DCP1B: variants seen among roughly 807,000 people sequenced by gnomAD.
The protein encoded by DCP1B is mRNA-decapping enzyme 1B.
DCP1B carries 47 observed loss-of-function variants against 60.5 expected under a neutral mutation model. That is an observed-to-expected ratio of 0.78 (90% confidence interval 0.61 to 0.99). The LOEUF is 0.99. DCP1B is among the 50% of genes least tolerant of loss of function. The pLI, the probability that DCP1B is intolerant of heterozygous loss-of-function variation, is 0.00. For synonymous variants in DCP1B, 267 were observed against 280.3 expected (o/e 0.95, Z 0.47); for missense variants, 725 against 756.8 (o/e 0.96, Z 0.49).
chr12:1,991,397 G>A (rs1054159141), intron 3 of DCP1B: 10 of 251,956 alleles, frequency 4.0e-5, no homozygotes, highest in East Asian at 1.0e-4. Flanking sequence ...GAAATATGAG[G>A]GGAACCACGA....
chr12:1,999,908 C>CA (rs1365059268), intron 1 of DCP1B, among the ~76,000 whole-genome samples: 70 of 152,232 alleles, frequency 4.6e-4, no homozygotes, highest in African/African-American at 1.6e-3. Context: ...TGCCCCTGTA[C>CA]TTTGAAAAAT....
intron 5 of DCP1B, among the ~76,000 whole-genome samples, chr12:1,963,378 G>C (rs1024322574): frequency 2.6e-5 from 4 of 152,158 alleles, no homozygotes; most frequent in African/African-American, 9.7e-5. Context: ...CATTGACCAG[G>C]GCTGTTTGAT....
chr12:1,947,461 G>A (rs2030476578), intron 8 of DCP1B, among the ~76,000 whole-genome samples: 1 of 152,218 alleles, frequency 6.6e-6, no homozygotes, highest in Non-Finnish European at 1.5e-5. Flanking sequence ...TTGAGTGACT[G>A]GGAATATGAG....
chr12:1,989,405 A>G (rs1431230060), intron 3 of DCP1B, among the ~76,000 whole-genome samples: 4 of 151,668 alleles, frequency 2.6e-5, no homozygotes, highest in African/African-American at 7.3e-5. Flanking sequence ...AGAGGAAAGA[A>G]AAGGGAAAGG....
chr12:1,949,116 C>G lies in DCP1B; in HGVS notation c.1743G>C (p.Gln581His). ...TGAGGTACAGCAGTGCCTCCTGGAG[C>G]TGGAGCTTGGTGAGTGGGCTGCTGG... ...VITSSPLTKLQLQEALLYLIQ... is the reference protein window; with the variant it reads ...VITSSPLTKLHLQEALLYLIQ... The change falls in exon 8 of 9, where the codon CAG (glutamine) becomes CAC (histidine). Residue 581 changes from glutamine (Q) to histidine (H), a missense_variant. Gln to His is a conservative substitution (Grantham distance 24, BLOSUM62 0). Coordinates refer to ENST00000280665, the MANE Select transcript of DCP1B (RefSeq NM_152640.5). 1 of 1,614,072 alleles carries G rather than the reference C, an allele frequency of 6.2e-7. No homozygotes were observed.
At position 1,949,246 on chromosome 12, in the gene DCP1B, G is replaced by C. The variant is rs1565759421; in HGVS notation, c.1613C>G (p.Pro538Arg). 1 of 1,614,032 alleles carries C rather than the reference G, an allele frequency of 6.2e-7. No individual in the cohort carries two copies. The highest frequency in any genetic ancestry group is 8.5e-7 in the Non-Finnish European group (1 of 1,180,040). ...MVFAQPTSVP[P>R]KERESGLLPV... ...CAAGAGGCCGCTCTCCCTTTCCTTT[G>C]GCGGGACGGAGGTGGGTTGTGCGAA... The change falls in exon 8 of 9, where the codon CCA becomes CGA. Residue 538 changes from proline to arginine, a missense_variant. Transcript: ENST00000280665.
At chr12:1,997,843 A>G in intron 2 of DCP1B, 92 bp downstream of exon 2, 4 of 1,050,926 alleles carry the variant, frequency 3.8e-6, no homozygotes, top group Non-Finnish European at 5.6e-6. Flanking sequence ...TCTTTTTGAA[A>G]TAAAACTGCA....
intron 3 of DCP1B, among the ~76,000 whole-genome samples, chr12:1,983,482 G>C (rs1346709668): frequency 6.6e-6 from 1 of 151,842 alleles, no homozygotes; most frequent in Non-Finnish European, 1.5e-5. Context: ...TCTTTGACAT[G>C]ACTTTTTCAG....
downstream of DCP1B, among the ~76,000 whole-genome samples, chr12:1,941,818 C>G (rs540104250): frequency 6.6e-6 from 1 of 152,220 alleles, no homozygotes; most frequent in African/African-American, 2.4e-5. Flanking sequence ...AAAACTGGTA[C>G]CAGCCACTGC....
intron 5 of DCP1B, 94 bp from the exon 6 acceptor site, chr12:1,955,654 C>T (rs112571799): frequency 0.034 from 46,772 of 1,378,326 alleles, 947 homozygotes; most frequent in Middle Eastern, 0.073. Context: ...AATTGGTAGA[C>T]GGCTGTGTTT....
In DCP1B at chr12:2,004,446, A is replaced by G. The variant is rs2042967453; in HGVS notation, c.-15T>C. 1 of 1,600,764 alleles carries G rather than the reference A, an allele frequency of 6.2e-7. No homozygotes were observed. Among genetic ancestry groups the G allele is most frequent in the South Asian group, 1.1e-5 (1 of 88,924 alleles). On this transcript the variant is annotated 5_prime_UTR_variant, in exon 1 of 9. Transcript: ENST00000280665. ...ACGGCTGCCATCTTCCCTCCCTCCC[A>G]GACATAGGCACGGGGCTCTTGGAAG... is the stretch of plus-strand genomic sequence containing the variant.
At chr12:1,974,162 C>G (rs562160793) in intron 3 of DCP1B, among the ~76,000 whole-genome samples, 3 of 152,292 alleles carry the variant, frequency 2.0e-5, no homozygotes, top group Admixed American at 6.5e-5. Context: ...TCTAAGACTT[C>G]AAGCTCTTCT....
chr12:1,987,292 T>C (rs971868980), intron 3 of DCP1B, among the ~76,000 whole-genome samples: 3 of 152,216 alleles, frequency 2.0e-5, no homozygotes, highest in Non-Finnish European at 4.4e-5. Context: ...ATCATTATAA[T>C]ACTAGTATGC....
chr12:2,003,558 C>A (rs1174209325), intron 1 of DCP1B, among the ~76,000 whole-genome samples: 1 of 152,160 alleles, frequency 6.6e-6, no homozygotes, highest in African/African-American at 2.4e-5. Flanking sequence ...AGGCTTCTAC[C>A]CCATTCTAAC....
chr12:1,978,566 A>G (rs1325177676), intron 3 of DCP1B, among the ~76,000 whole-genome samples: 2 of 152,188 alleles, frequency 1.3e-5, no homozygotes, highest in Non-Finnish European at 2.9e-5. Context: ...AAATGCACAG[A>G]TCTTAAAGTG....
intron 3 of DCP1B, chr12:1,970,931 T>C (rs1342217667): frequency 1.8e-5 from 7 of 388,288 alleles, no homozygotes; most frequent in Non-Finnish European, 2.8e-5. Context: ...GATACGGCCA[T>C]GTCAACTTTT....
intron 3 of DCP1B, among the ~76,000 whole-genome samples, chr12:1,986,697 G>A (rs2037894027): frequency 6.6e-6 from 1 of 152,030 alleles, no homozygotes; most frequent in African/African-American, 2.4e-5. Flanking sequence ...CTGTGACTTG[G>A]CGCATTCTTG....
At chr12:1,942,401 G>A (rs753070020), downstream of DCP1B, among the ~76,000 whole-genome samples, 46 of 152,174 alleles carry the variant, frequency 3.0e-4, no homozygotes, top group Non-Finnish European at 6.5e-4. Context: ...AAATTAACAA[G>A]GATATTCAGG....
At chr12:1,981,422 T>C (rs929831769) in intron 3 of DCP1B, among the ~76,000 whole-genome samples, 1 of 152,222 alleles carries the variant, frequency 6.6e-6, no homozygotes, top group Admixed American at 6.6e-5. Flanking sequence ...AATTCAGTGC[T>C]ATGGGGGACT....
Sources: allele counts gnomAD v4.1 joint callset (sites outside exome capture counted in the v4.1 genomes callset), GRCh38; gene constraint gnomAD v4.1.1; transcripts MANE v1.5; gene names NCBI Gene and HGNC (gene_info 2026-07-23, HGNC 2026-07-21).